The following SH3BP2 variants were observed in gnomAD, a reference collection of about 807,000 sequenced individuals.
The protein encoded by SH3BP2 is SH3 domain-binding protein 2.
Under a neutral mutation model 56.2 loss-of-function variants are expected in SH3BP2, and 38 were observed. That is an observed-to-expected ratio of 0.68 (90% CI 0.52 to 0.89). SH3BP2 has a LOEUF of 0.89. Among genes scored for constraint, SH3BP2 ranks in the 40% least tolerant of loss-of-function variants. The probability of loss-of-function intolerance (pLI) is 0.00; values close to 1 mark genes in which losing one functional copy is unlikely to be tolerated. For synonymous variants in SH3BP2, 346 were observed against 316.7 expected (o/e 1.09, Z -0.98); for missense variants, 748 against 762.6 (o/e 0.98, Z 0.23).
intron 2 of SH3BP2, 31 bp from the exon 3 acceptor site, chr4:2,822,904 C>T (rs202197517): frequency 6.3e-7 from 1 of 1,577,978 alleles, no homozygotes; most frequent in Non-Finnish European, 8.7e-7. Flanking sequence ...CCCCTCCAGG[C>T]TCACCTTCCT....
At chr4:2,797,906 C>T (rs1010623252) in intron 1 of SH3BP2, among the ~76,000 whole-genome samples, 2 of 152,356 alleles carry the variant, frequency 1.3e-5, no homozygotes, top group African/African-American at 2.4e-5. Context: ...TCACTCCCCC[C>T]ACCTGTGTTT....
chr4:2,817,998 C>G (rs1486455442), intron 1 of SH3BP2: 1 of 154,304 alleles, frequency 6.5e-6, no homozygotes, highest in Non-Finnish European at 1.4e-5. Flanking sequence ...TCGAAGGCTT[C>G]TTGATTCCAG....
At chr4:2,805,628 G>A (rs1723503462) in intron 1 of SH3BP2, among the ~76,000 whole-genome samples, 2 of 152,232 alleles carry the variant, frequency 1.3e-5, no homozygotes, top group African/African-American at 4.8e-5. Flanking sequence ...TGGTGTCAGG[G>A]GAGGGGCAGA....
At chr4:2,814,143 C>T (rs138650494) in intron 1 of SH3BP2, among the ~76,000 whole-genome samples, 2 of 152,246 alleles carry the variant, frequency 1.3e-5, no homozygotes, top group East Asian at 1.9e-4. Context: ...TGTGTGCATG[C>T]GAGCTGTGCA....
At chr4:2,801,062 G>A (rs147908199) in intron 1 of SH3BP2, among the ~76,000 whole-genome samples, 49 of 137,920 alleles carry the variant, frequency 3.6e-4, no homozygotes, top group African/African-American at 1.2e-3. Flanking sequence ...ATGGTTGGGG[G>A]CGGAGAGGAG....
At chr4:2,813,209 G>T (rs1289904484) in intron 1 of SH3BP2, among the ~76,000 whole-genome samples, 1 of 152,246 alleles carries the variant, frequency 6.6e-6, no homozygotes, top group African/African-American at 2.4e-5. Context: ...CAAGGTGGAA[G>T]CCGCCCCATC....
chr4:2,811,997 C>G (rs1723767457), intron 1 of SH3BP2: 1 of 339,594 alleles, frequency 2.9e-6, no homozygotes, highest in African/African-American at 2.1e-5. Context: ...AGGGAGAAGC[C>G]GAGTATTCAG....
At chr4:2,814,218 C>T (rs1005080119) in intron 1 of SH3BP2, among the ~76,000 whole-genome samples, 6 of 152,232 alleles carry the variant, frequency 3.9e-5, no homozygotes, top group Admixed American at 2.0e-4. Context: ...AGAGACACAG[C>T]GCACATGAGG....
Position 2,832,315 on chromosome 4 carries a change from G to C in SH3BP2, c.1407-16G>C. 6.2e-7 allele frequency: 1 copy of C among 1,608,010 alleles called. No individual in the cohort carries two copies. The highest frequency in any genetic ancestry group is 8.5e-7 in the Non-Finnish European group (1 of 1,174,404). On this transcript the variant is annotated splice_polypyrimidine_tract_variant and intron_variant, in intron 10 of 12. Transcript: ENST00000503393. ...CCGAGGAGGACTCACCCGCTAATAT[G>C]ACTGTCTTATTTTAGGTTGTTCAAG...
intron 1 of SH3BP2, among the ~76,000 whole-genome samples, chr4:2,815,530 C>T (rs1222852788): frequency 6.6e-6 from 1 of 152,252 alleles, no homozygotes; most frequent in Non-Finnish European, 1.5e-5. Context: ...CCATGTAGGA[C>T]TGTAACCTGT....
At chr4:2,801,279 GC>G (rs34997967) in intron 1 of SH3BP2, among the ~76,000 whole-genome samples, 2 of 152,184 alleles carry the variant, frequency 1.3e-5, no homozygotes, top group Non-Finnish European at 2.9e-5. Context: ...GGTCACCCAG[GC>G]CCCCTCTGGG....
intron 5 of SH3BP2, 133 bp from the exon 6 acceptor site, chr4:2,827,097 G>T (rs1332772142): frequency 2.7e-6 from 2 of 737,628 alleles, no homozygotes; most frequent in Admixed American, 4.0e-5. Context: ...GCATGTGTTT[G>T]TCAGTGTATC....
intron 1 of SH3BP2, among the ~76,000 whole-genome samples, chr4:2,816,118 A>C (rs1236592499): frequency 6.6e-6 from 1 of 151,864 alleles, no homozygotes; most frequent in Admixed American, 6.6e-5. Context: ...GCAATGGCGC[A>C]ATCTCGGCTC....
chr4:2,839,580 GTTTT>G lies in SH3BP2; in HGVS notation c.*5749_*5752del, dbSNP rs1725350735. Reference sequence around the variant, plus strand: ...ATGGTGTCCTTTTTTTTTGGGGGGGGTTTTTTGAGACAAGGTCTTGCTCTGTCAC... The same window carrying G: ...ATGGTGTCCTTTTTTTTTGGGGGGGGTTGAGACAAGGTCTTGCTCTGTCAC... On this transcript the variant is annotated 3_prime_UTR_variant, in exon 13 of 13. Coordinates refer to ENST00000503393, the MANE Select transcript of SH3BP2 (RefSeq NM_001122681.2). 1.3e-5 allele frequency: 2 copies of G among 151,204 alleles called. No individual in the cohort carries two copies. Among genetic ancestry groups the G allele is most frequent in the Admixed American group, 1.3e-4 (2 of 15,170 alleles). The allele number at this position is 151,204 out of a possible 1,614,324, so 9.4% of individuals were successfully genotyped here.
intron 1 of SH3BP2, among the ~76,000 whole-genome samples, chr4:2,795,733 G>A (rs1001570006): frequency 1.2e-4 from 19 of 152,202 alleles, no homozygotes; most frequent in African/African-American, 4.6e-4. Flanking sequence ...GCGGGCGGTA[G>A]GGAGGGTGGG....
At chr4:2,801,354 G>A (rs376692138) in intron 1 of SH3BP2, among the ~76,000 whole-genome samples, 6 of 152,224 alleles carry the variant, frequency 3.9e-5, no homozygotes, top group East Asian at 1.9e-4. Context: ...CCCGGGCCCC[G>A]AGGCTCTGGG....
At chr4:2,812,075 A>C in intron 1 of SH3BP2, 1 of 941,890 alleles carries the variant, frequency 1.1e-6, no homozygotes. Flanking sequence ...CGCTGGAGCC[A>C]GAGAGCCCTG....
chr4:2,793,929 T>C (rs1309367854), intron 1 of SH3BP2, among the ~76,000 whole-genome samples: 1 of 152,192 alleles, frequency 6.6e-6, no homozygotes, highest in Non-Finnish European at 1.5e-5. Flanking sequence ...CCTGGGGGTA[T>C]TGAGGGCCTG....
intron 1 of SH3BP2, among the ~76,000 whole-genome samples, chr4:2,800,101 G>C (rs1381899689): frequency 6.6e-6 from 1 of 152,050 alleles, no homozygotes; most frequent in Non-Finnish European, 1.5e-5. Context: ...CAGAAGGCTG[G>C]GTGGGAGTGG....
Sources: allele counts gnomAD v4.1 joint callset (sites outside exome capture counted in the v4.1 genomes callset), GRCh38; gene constraint gnomAD v4.1.1; transcripts MANE v1.5; gene names NCBI Gene and HGNC (gene_info 2026-07-23, HGNC 2026-07-21).